The following ENTHD1 variants were observed in gnomAD, a reference collection of about 807,000 sequenced individuals.
ENTHD1 encodes the protein ENTH domain containing 1.
Under a neutral mutation model 39.1 loss-of-function variants are expected in ENTHD1, and 23 were observed. The ratio of observed to expected loss-of-function variants is 0.59; its 90% confidence interval spans 0.42 to 0.83. ENTHD1 has a LOEUF of 0.83. Among genes scored for constraint, ENTHD1 ranks in the 40% least tolerant of loss-of-function variants. The pLI is 0.00. For synonymous variants in ENTHD1, 230 were observed against 258.2 expected (o/e 0.89, Z 1.05); for missense variants, 624 against 705.4 (o/e 0.88, Z 1.31).
chr22:39,805,034 C>T (rs111510504), intron 5 of ENTHD1, among the ~76,000 whole-genome samples: 5 of 152,254 alleles, frequency 3.3e-5, no homozygotes, highest in African/African-American at 1.2e-4. Flanking sequence ...CTGTCAAGGG[C>T]TAAGTCTTGG....
chr22:39,785,318 G>A (rs1057267243), intron 5 of ENTHD1, among the ~76,000 whole-genome samples: 8 of 152,120 alleles, frequency 5.3e-5, no homozygotes, highest in East Asian at 1.9e-4. Flanking sequence ...AAGGTTCCCC[G>A]ATATATCCGG....
intron 2 of ENTHD1, among the ~76,000 whole-genome samples, chr22:39,862,563 AG>A (rs58279486): frequency 0.062 from 8,633 of 139,710 alleles, 273 homozygotes; most frequent in South Asian, 0.1. Flanking sequence ...AAAAAAAAAA[AG>A]AAAGAAAAAG....
chr22:39,787,655 G>A (rs1199737206), intron 5 of ENTHD1, among the ~76,000 whole-genome samples: 2 of 152,134 alleles, frequency 1.3e-5, no homozygotes, highest in Non-Finnish European at 2.9e-5. Flanking sequence ...CCAGAGCAAG[G>A]CCCTAGCTCT....
At chr22:39,866,421 T>C (rs1353843135) in intron 2 of ENTHD1, among the ~76,000 whole-genome samples, 2 of 152,206 alleles carry the variant, frequency 1.3e-5, no homozygotes, top group Non-Finnish European at 2.9e-5. Context: ...CCAATAATCA[T>C]AAACAAGATA....
At chr22:39,876,328 C>G (rs1443591217) in intron 2 of ENTHD1, among the ~76,000 whole-genome samples, 1 of 152,164 alleles carries the variant, frequency 6.6e-6, no homozygotes, top group African/African-American at 2.4e-5. Context: ...TATGCTCAGT[C>G]ATACACGCGA....
At chr22:39,797,156 T>G (rs921645710) in intron 5 of ENTHD1, among the ~76,000 whole-genome samples, 6 of 152,222 alleles carry the variant, frequency 3.9e-5, no homozygotes, top group African/African-American at 1.4e-4. Context: ...AAAGTCTGTT[T>G]CATCTGATAT....
In ENTHD1 at chr22:39,875,431, G is replaced by T. The variant is rs1601661953; in HGVS notation, c.349+11969C>A. On this transcript the variant is annotated intron_variant, in intron 2 of 6. Transcript: ENST00000325157. ...AGCAGCCTGTGTTGGACCTGAAGCG[G>T]CCCTTCCTCAGCCGGGAGTCGCTGA... is the stretch of plus-strand genomic sequence containing the variant. 7.3e-6 allele frequency: 11 copies of T among 1,509,496 alleles called. No homozygotes were observed. In the East Asian group the frequency reaches 2.5e-4, roughly 34 times the overall value. The allele number at this position is 1,509,496 out of a possible 1,614,324, so 93.5% of individuals were successfully genotyped here.
intron 2 of ENTHD1, among the ~76,000 whole-genome samples, chr22:39,872,543 T>A (rs1198513885): frequency 6.6e-6 from 1 of 152,232 alleles, no homozygotes; most frequent in East Asian, 1.9e-4. Context: ...AATAAATGTA[T>A]TATGTCTTCC....
chr22:39,744,368 T>A, intron 6 of ENTHD1, 85 bp from the exon 7 acceptor site: 1 of 1,265,060 alleles, frequency 7.9e-7, no homozygotes. Flanking sequence ...TGTAAAAGCC[T>A]ATCTGGAAGG....
rs539135380 is a variant in ENTHD1 at position 39,760,786 on chromosome 22, G to A, written c.1219+4437C>T. On this transcript the variant is annotated intron_variant, in intron 6 of 6. Coordinates refer to ENST00000325157, the MANE Select transcript of ENTHD1 (RefSeq NM_152512.4). ...CTATACCACTATTCTTTCTACAAGCGTAATTAAATATGCATGCTTAACTTA... is the reference window on the plus strand; with the variant it reads ...CTATACCACTATTCTTTCTACAAGCATAATTAAATATGCATGCTTAACTTA... Among the ~76,000 whole-genome samples the A allele has an allele frequency of 1.2e-4, 18 of 151,982 alleles. No individual in the cohort carries two copies. In the South Asian group the frequency reaches 1.9e-3, roughly 16 times the overall value.
intron 5 of ENTHD1, among the ~76,000 whole-genome samples, chr22:39,801,736 T>C (rs1181167346): frequency 6.6e-6 from 1 of 152,152 alleles, no homozygotes; most frequent in African/African-American, 2.4e-5. Flanking sequence ...CAAAGACTAC[T>C]AGATTTCTCC....
intron 4 of ENTHD1, among the ~76,000 whole-genome samples, chr22:39,830,611 G>C (rs1003747507): frequency 6.6e-6 from 1 of 152,032 alleles, no homozygotes; most frequent in Admixed American, 6.6e-5. Context: ...GACTAAACAA[G>C]CATCTTTCAC....
At chr22:39,854,984 T>C (rs1441077252) in intron 3 of ENTHD1, among the ~76,000 whole-genome samples, 1 of 152,230 alleles carries the variant, frequency 6.6e-6, no homozygotes, top group Non-Finnish European at 1.5e-5. Context: ...AATTTCTCTC[T>C]TCTCCAGTAC....
intron 2 of ENTHD1, among the ~76,000 whole-genome samples, chr22:39,876,771 TG>T (rs1308089179): frequency 6.6e-6 from 1 of 152,324 alleles, no homozygotes; most frequent in African/African-American, 2.4e-5. Context: ...GGGAAATTTT[TG>T]TATTAGTCAA....
At chr22:39,825,663 G>A (rs2065820689) in intron 4 of ENTHD1, among the ~76,000 whole-genome samples, 1 of 151,460 alleles carries the variant, frequency 6.6e-6, no homozygotes, top group Admixed American at 6.6e-5. Flanking sequence ...TTCTGAGAAA[G>A]TATTCTATTT....
chr22:39,779,799 G>T (rs2013900052), intron 5 of ENTHD1, among the ~76,000 whole-genome samples: 1 of 152,004 alleles, frequency 6.6e-6, no homozygotes, highest in Non-Finnish European at 1.5e-5. Context: ...AGTGTAGAAA[G>T]TTTTTTTCAT....
chr22:39,756,314 TCTCACA>T (rs1305278884), intron 6 of ENTHD1, among the ~76,000 whole-genome samples: 8 of 144,176 alleles, frequency 5.5e-5, no homozygotes, highest in African/African-American at 1.4e-4. Context: ...TCTCTCTCTC[TCTCACA>T]CACACACACA....
intron 5 of ENTHD1, among the ~76,000 whole-genome samples, chr22:39,789,565 C>T (rs2065487677): frequency 6.6e-6 from 1 of 152,130 alleles, no homozygotes; most frequent in Admixed American, 6.5e-5. Context: ...TACATTCATT[C>T]ATTCAAAATA....
chr22:39,780,172 G>A (rs769084825), intron 5 of ENTHD1, among the ~76,000 whole-genome samples: 5 of 152,000 alleles, frequency 3.3e-5, no homozygotes, highest in South Asian at 2.1e-4. Context: ...TCAGGAGTTC[G>A]AGACCAGCCT....
Sources: allele counts gnomAD v4.1 joint callset (sites outside exome capture counted in the v4.1 genomes callset), GRCh38; gene constraint gnomAD v4.1.1; transcripts MANE v1.5; gene names NCBI Gene and HGNC (gene_info 2026-07-23, HGNC 2026-07-21).